The following IMMT variants were observed in gnomAD, a reference collection of about 807,000 sequenced individuals.
The protein encoded by IMMT is MICOS complex subunit MIC60.
In IMMT, 40 loss-of-function variants were observed where a neutral mutation model predicts 92.7. That is an observed-to-expected ratio of 0.43 (90% confidence interval 0.34 to 0.56). The LOEUF is 0.56. IMMT is among the 20% of genes least tolerant of loss of function. IMMT has a pLI of 0.03. For synonymous variants in IMMT, 322 were observed against 336.1 expected (o/e 0.96, Z 0.46); for missense variants, 831 against 912.1 (o/e 0.91, Z 1.14).
intron 14 of IMMT, among the ~76,000 whole-genome samples, chr2:86,145,420 A>C (rs944710739): frequency 3.5e-5 from 5 of 144,806 alleles, no homozygotes; most frequent in South Asian, 4.4e-4. Context: ...GCTTGAACCC[A>C]GGAGGCGGAG....
chr2:86,151,215 G>T, intron 12 of IMMT, 82 bp downstream of exon 12: 1 of 1,214,858 alleles, frequency 8.2e-7, no homozygotes, highest in Non-Finnish European at 1.2e-6. Flanking sequence ...ACTGCACCCG[G>T]CTGAGCCAGT....
intron 1 of IMMT, among the ~76,000 whole-genome samples, chr2:86,186,176 C>T (rs887204093): frequency 2.0e-5 from 3 of 152,144 alleles, no homozygotes; most frequent in African/African-American, 7.2e-5. Context: ...GATGTCTTAT[C>T]CATAGTAGGA....
At chr2:86,191,995 G>A (rs1463464871) in intron 1 of IMMT, among the ~76,000 whole-genome samples, 1 of 150,170 alleles carries the variant, frequency 6.7e-6, no homozygotes, top group African/African-American at 2.4e-5. Flanking sequence ...ACTTTGGGGA[G>A]GAGAAGGTGG....
rs769156111 is a variant in IMMT at position 86,170,944 on chromosome 2, T to C, written c.560-100A>G. 8.9e-5 allele frequency: 78 copies of C among 880,316 alleles called. 1 individual carries two copies. The highest frequency in any genetic ancestry group is 3.3e-4 in the Middle Eastern group (1 of 3,068). The allele number at this position is 880,316 out of a possible 1,614,324, so 54.5% of individuals were successfully genotyped here. A position where few individuals can be genotyped will look rare whatever the true frequency, so the allele number is the denominator to read the frequency against. On this transcript the variant is annotated intron_variant, in intron 5 of 14. Transcript: ENST00000410111. ...GCATCGTTTGTACTGGCCAGTTATATCAATGCAGGGCATTTTTGTGTTAAG... is the reference window on the plus strand; with the variant it reads ...GCATCGTTTGTACTGGCCAGTTATACCAATGCAGGGCATTTTTGTGTTAAG...
intron 11 of IMMT, 22 bp from the exon 12 acceptor site, chr2:86,151,542 A>C: frequency 6.6e-7 from 1 of 1,525,560 alleles, no homozygotes; most frequent in African/African-American, 1.4e-5. Flanking sequence ...AGCATGTTAA[A>C]ATATTAATGA....
At chr2:86,171,962 T>A (rs1402589219) in intron 4 of IMMT, among the ~76,000 whole-genome samples, 5 of 35,550 alleles carry the variant, frequency 1.4e-4, no homozygotes, top group African/African-American at 4.9e-4. Flanking sequence ...GTAGTATATT[T>A]TTTTTTTTTT....
chr2:86,173,594 G>C, intron 4 of IMMT, 56 bp downstream of exon 4: 1 of 933,800 alleles, frequency 1.1e-6, no homozygotes. Flanking sequence ...AAAAAAAAAA[G>C]AATTGGTGAA....
At chr2:86,172,187 C>A (rs1291306599) in intron 4 of IMMT, among the ~76,000 whole-genome samples, 1 of 151,786 alleles carries the variant, frequency 6.6e-6, no homozygotes, top group Non-Finnish European at 1.5e-5. Context: ...CCAGGCTGGT[C>A]TCAAACTGCT....
Position 86,144,779 on chromosome 2 carries a change from G to A in IMMT, c.1766C>T (p.Thr589Ile), listed in dbSNP as rs372854470. Residue 589 changes from threonine (T) to isoleucine (I), a missense_variant, in exon 15 of 15, where the codon ACT becomes ATT. Transcript: ENST00000410111. The stretch of plus-strand genomic sequence containing the variant: ...CTCAACTGCACTACCCAGCGGGATA[G>A]TAGGTGTTTCTGCAGATGAGGTCTT... ...SMKTSSAETPTIPLGSAVEAI... is the reference protein window; with the variant it reads ...SMKTSSAETPIIPLGSAVEAI... The A allele has an allele frequency of 1.5e-5, 24 of 1,613,354 alleles. No individual in the cohort carries two copies. The highest frequency in any genetic ancestry group is 1.9e-5 in the Non-Finnish European group (22 of 1,179,880).
chr2:86,193,823 T>C (rs1432311349), intron 1 of IMMT, among the ~76,000 whole-genome samples: 2 of 152,208 alleles, frequency 1.3e-5, no homozygotes, highest in Non-Finnish European at 2.9e-5. Flanking sequence ...GGTTCATTTT[T>C]TATTACCAAG....
At chr2:86,170,695 G>T in intron 6 of IMMT, 54 bp downstream of exon 6, 2 of 1,160,890 alleles carry the variant, frequency 1.7e-6, no homozygotes. Flanking sequence ...AGTTTAAGAA[G>T]AGAGCAACTG....
chr2:86,144,337 C>T lies in IMMT; in HGVS notation c.2208G>A (p.Gln736=), dbSNP rs781769634. The T allele has an allele frequency of 1.2e-6, 2 of 1,614,000 alleles. No homozygotes were observed. The highest frequency in any genetic ancestry group is 1.3e-5 in the African/African-American group (1 of 75,030). ...KEARMTLETK[Q]IVEILTAYAS... ...CATATGCTGTCAGGATTTCCACTAT[C>T]TGTTTCGTTTCTAGGGTCATTCGGG... The change falls in exon 15 of 15, where the codon CAG becomes CAA. Residue 736 remains glutamine, a synonymous_variant. Transcript: ENST00000410111.
intron 7 of IMMT, among the ~76,000 whole-genome samples, chr2:86,163,141 G>T (rs1676415294): frequency 6.6e-6 from 1 of 151,994 alleles, no homozygotes; most frequent in Admixed American, 6.6e-5. Context: ...GAACAACATA[G>T]TGAGACCCCA....
At chr2:86,192,147 C>T (rs1273028925) in intron 1 of IMMT, among the ~76,000 whole-genome samples, 1 of 152,082 alleles carries the variant, frequency 6.6e-6, no homozygotes, top group Admixed American at 6.5e-5. Flanking sequence ...GTGGGAGGAT[C>T]GCTTAAGCCC....
Position 86,147,831 on chromosome 2 carries a change from T to C in IMMT, c.1404A>G (p.Ile468Met). ...SEIQAEQDRK[I>M]EEVRDAMENE... ...TTTCCATGGCATCTCTGACTTCTTC[T>C]ATCTGTGAAACCAAACATAGTAGTT... Residue 468 changes from isoleucine (I) to methionine (M), a missense_variant and splice_region_variant, in exon 13 of 15, where the codon ATA (isoleucine) becomes ATG (methionine). Transcript: ENST00000410111. 1 of 1,613,530 alleles carries C rather than the reference T, an allele frequency of 6.2e-7. No homozygotes were observed. Among genetic ancestry groups the C allele is most frequent in the South Asian group, 1.1e-5 (1 of 91,038 alleles).
chr2:86,147,553 G>T, intron 13 of IMMT, 149 bp downstream of exon 13: 1 of 623,454 alleles, frequency 1.6e-6, no homozygotes. Flanking sequence ...TGAACACACA[G>T]GTACACCATT....
At chr2:86,175,642 C>T (rs1204729207) in intron 3 of IMMT, among the ~76,000 whole-genome samples, 1 of 151,196 alleles carries the variant, frequency 6.6e-6, no homozygotes, top group East Asian at 1.9e-4. Context: ...AATCATGTTG[C>T]CACTAAAAAG....
At chr2:86,175,470 T>C (rs566634181) in intron 3 of IMMT, among the ~76,000 whole-genome samples, 5 of 152,252 alleles carry the variant, frequency 3.3e-5, no homozygotes, top group Admixed American at 3.3e-4. Flanking sequence ...ATCTTGGTAC[T>C]ATCTTTAATG....
intron 1 of IMMT, 99 bp downstream of exon 1, chr2:86,195,239 C>T: frequency 7.6e-7 from 1 of 1,315,790 alleles, no homozygotes; most frequent in African/African-American, 1.5e-5. Context: ...TGAGGCTCGC[C>T]TTTGTCCTGG....
Sources: gnomAD v4.1 joint callset for allele counts (sites outside exome capture counted in the v4.1 genomes callset) on GRCh38, gnomAD v4.1.1 for gene constraint, MANE v1.5 for transcripts, NCBI Gene and HGNC (gene_info 2026-07-23, HGNC 2026-07-21) for gene names.